The following PLXDC2 variants were observed in gnomAD, a reference collection of about 807,000 sequenced individuals.
The protein encoded by PLXDC2 is plexin domain-containing protein 2.
Under a neutral mutation model 68.9 loss-of-function variants are expected in PLXDC2, and 40 were observed. The observed-to-expected ratio is 0.58, with a 90% CI of 0.45 to 0.76. The LOEUF (loss-of-function observed/expected upper bound fraction) is 0.76. PLXDC2 is among the 30% of genes least tolerant of loss of function. PLXDC2 has a pLI of 0.00. For missense variants in PLXDC2, 644 were observed against 661.9 expected, an observed-to-expected ratio of 0.97 and a Z score of 0.30; for synonymous variants, 243 against 234.2, an observed-to-expected ratio of 1.04 and a Z score of -0.34.
chr10:19,817,307 T>C (rs1364685045), intron 1 of PLXDC2, 116 bp downstream of exon 1: 8 of 835,070 alleles, frequency 9.6e-6, no homozygotes, highest in East Asian at 5.4e-5. Flanking sequence ...GGGAAACTTA[T>C]TGCAGTTGCT....
At chr10:20,124,020 C>T (rs1212988983) in intron 4 of PLXDC2, among the ~76,000 whole-genome samples, 3 of 150,268 alleles carry the variant, frequency 2.0e-5, no homozygotes, top group Non-Finnish European at 4.4e-5. Context: ...CCCAGAAAGG[C>T]AGAGAAGGTG....
At chr10:20,115,746 A>T (rs890190909) in intron 4 of PLXDC2, among the ~76,000 whole-genome samples, 2 of 152,210 alleles carry the variant, frequency 1.3e-5, no homozygotes, top group East Asian at 1.9e-4. Flanking sequence ...AAATAATTTT[A>T]AAAAGTATTA....
chr10:20,229,993 A>G (rs925759610), intron 12 of PLXDC2, among the ~76,000 whole-genome samples: 1 of 152,246 alleles, frequency 6.6e-6, no homozygotes, highest in Non-Finnish European at 1.5e-5. Flanking sequence ...TCTAAGAAAT[A>G]TTTGTTTAAC....
At chr10:20,231,087 A>C (rs929959297) in intron 12 of PLXDC2, among the ~76,000 whole-genome samples, 7 of 151,894 alleles carry the variant, frequency 4.6e-5, no homozygotes, top group Non-Finnish European at 8.8e-5. Context: ...CCTTGGTTTA[A>C]TCATTCCACA....
chr10:19,817,057 GGTA>G lies in PLXDC2; in HGVS notation c.-21_-19del. ...GCACCGGCGAAGGACTGGCGGGTGGGGTAGGGAGGTGGCGGCGGCGGCATGGCG... is the reference window on the plus strand; with the variant it reads ...GCACCGGCGAAGGACTGGCGGGTGGGGGGAGGTGGCGGCGGCGGCATGGCG... On this transcript the variant is annotated 5_prime_UTR_variant, in exon 1 of 14. Transcript: ENST00000377252. 2 of 1,490,924 alleles carry G rather than the reference GGTA, an allele frequency of 1.3e-6. No individual in the cohort carries two copies. The highest frequency in any genetic ancestry group is 1.3e-5 in the South Asian group (1 of 79,474). 92.4% of individuals were successfully genotyped at this position (1,490,924 alleles called of 1,614,324 possible).
intron 1 of PLXDC2, among the ~76,000 whole-genome samples, chr10:19,953,289 T>C (rs189755990): frequency 1.5e-3 from 224 of 152,222 alleles, no homozygotes; most frequent in Middle Eastern, 6.8e-3. Flanking sequence ...TGCTAGGTGG[T>C]TGTGATTCAG....
intron 1 of PLXDC2, among the ~76,000 whole-genome samples, chr10:19,964,780 G>T (rs1294443906): frequency 1.3e-5 from 2 of 151,930 alleles, no homozygotes; most frequent in Non-Finnish European, 2.9e-5. Context: ...TTAGCAGAGT[G>T]CCTGGTTAAT....
At chr10:20,257,807 T>C (rs1321194623) in intron 13 of PLXDC2, among the ~76,000 whole-genome samples, 2 of 152,054 alleles carry the variant, frequency 1.3e-5, no homozygotes, top group Admixed American at 6.6e-5. Flanking sequence ...ATTTCTTTTT[T>C]AATTTTTTTA....
intron 2 of PLXDC2, among the ~76,000 whole-genome samples, chr10:20,037,591 G>A (rs1835600533): frequency 7.7e-6 from 1 of 130,434 alleles, no homozygotes; most frequent in Non-Finnish European, 1.8e-5. Flanking sequence ...TAAAGGTGTA[G>A]TACCTAAGTA....
chr10:19,946,626 A>T (rs1467082083), intron 1 of PLXDC2, among the ~76,000 whole-genome samples: 1 of 151,816 alleles, frequency 6.6e-6, no homozygotes, highest in Non-Finnish European at 1.5e-5. Context: ...TGTGAAAGAC[A>T]GTTTTTCCGT....
chr10:20,005,421 G>A (rs1466848701), intron 2 of PLXDC2, among the ~76,000 whole-genome samples: 1 of 152,114 alleles, frequency 6.6e-6, no homozygotes, highest in East Asian at 1.9e-4. Flanking sequence ...GCCACTAGTT[G>A]CGGAAACAAA....
At chr10:20,214,035 A>G (rs1374718299) in intron 10 of PLXDC2, among the ~76,000 whole-genome samples, 1 of 152,160 alleles carries the variant, frequency 6.6e-6, no homozygotes, top group African/African-American at 2.4e-5. Flanking sequence ...TATTCTATGT[A>G]ATCTACTCAC....
chr10:20,119,917 A>C (rs561897926), intron 4 of PLXDC2, among the ~76,000 whole-genome samples: 4 of 152,310 alleles, frequency 2.6e-5, no homozygotes, highest in African/African-American at 7.2e-5. Context: ...CAGGTATTAA[A>C]GGTCTAAGAA....
chr10:20,071,690 A>C (rs1336564139), intron 4 of PLXDC2, among the ~76,000 whole-genome samples: 1 of 152,176 alleles, frequency 6.6e-6, no homozygotes, highest in Non-Finnish European at 1.5e-5. Context: ...ATGAGAAAAG[A>C]CTAATACAGG....
At chr10:20,186,722 A>G (rs1350925658) in intron 9 of PLXDC2, among the ~76,000 whole-genome samples, 2 of 151,920 alleles carry the variant, frequency 1.3e-5, no homozygotes, top group East Asian at 3.9e-4. Flanking sequence ...AGCTTCATCC[A>G]TGCTCCTGCA....
chr10:20,242,706 G>A (rs2119329374), intron 12 of PLXDC2, among the ~76,000 whole-genome samples: 1 of 152,118 alleles, frequency 6.6e-6, no homozygotes, highest in African/African-American at 2.4e-5. Context: ...CATCTTGGAG[G>A]TGCAATGTTA....
intron 13 of PLXDC2, among the ~76,000 whole-genome samples, chr10:20,269,308 A>AC (rs58835124): frequency 0.26 from 39,189 of 152,026 alleles, 5,310 homozygotes; most frequent in African/African-American, 0.34. Flanking sequence ...GGACACAAAA[A>AC]TTTTAAGGCC....
At chr10:19,957,267 G>A (rs970752384) in intron 1 of PLXDC2, among the ~76,000 whole-genome samples, 13 of 152,038 alleles carry the variant, frequency 8.6e-5, no homozygotes, top group African/African-American at 3.1e-4. Context: ...GAAGGATATT[G>A]CTCTCTTTGT....
At chr10:20,047,077 G>A in intron 3 of PLXDC2, 62 bp downstream of exon 3, 1 of 1,453,744 alleles carries the variant, frequency 6.9e-7, no homozygotes, top group Non-Finnish European at 9.2e-7. Flanking sequence ...GCTTTAATTG[G>A]CCTACAACCA....
Sources: allele counts gnomAD v4.1 joint callset (sites outside exome capture counted in the v4.1 genomes callset), GRCh38; gene constraint gnomAD v4.1.1; transcripts MANE v1.5; gene names NCBI Gene and HGNC (gene_info 2026-07-23, HGNC 2026-07-21).